The following SNTG1 variants were observed in gnomAD, a reference collection of about 807,000 sequenced individuals.
SNTG1 encodes the protein gamma-1-syntrophin.
A neutral mutation model predicts 74.7 loss-of-function variants in SNTG1; 39 were observed. That is an observed-to-expected ratio of 0.52 (90% CI 0.40 to 0.68). The LOEUF (loss-of-function observed/expected upper bound fraction) is 0.68. Among genes scored for constraint, SNTG1 ranks in the 30% least tolerant of loss-of-function variants. The pLI is 0.00. For missense variants in SNTG1, 685 were observed against 609.5 expected, an observed-to-expected ratio of 1.12 and a Z score of -1.30; for synonymous variants, 254 against 217.1, an observed-to-expected ratio of 1.17 and a Z score of -1.49.
intron 4 of SNTG1, among the ~76,000 whole-genome samples, chr8:50,437,250 G>A (rs1010523534): frequency 9.9e-5 from 15 of 151,972 alleles, no homozygotes; most frequent in African/African-American, 3.6e-4. Flanking sequence ...AAGTAAATAT[G>A]CACCATCTTC....
At chr8:50,293,814 T>C (rs79759606) in intron 2 of SNTG1, among the ~76,000 whole-genome samples, 7,426 of 152,162 alleles carry the variant, frequency 0.049, 405 homozygotes, top group South Asian at 0.17. Context: ...CTGTGTAGTA[T>C]ACAATTCAGC....
rs138669744 is a variant in SNTG1, at chr8:50,009,097, A to G, written c.-103+96866A>G. ...GATTCCCATGCTTATTTGTAAGGAT[A>G]ATATCTATAACTATTTCAGACTTTG... On this transcript the variant is annotated intron_variant, in intron 1 of 18. Transcript: ENST00000642720. 9.6e-3 allele frequency among the ~76,000 whole-genome samples: 1,463 copies of G among 152,256 alleles called. 6 individuals carry two copies. Among genetic ancestry groups the G allele is most frequent in the Admixed American group, 0.015 (228 of 15,282 alleles).
chr8:50,205,429 T>C (rs1201536988), intron 2 of SNTG1, among the ~76,000 whole-genome samples: 1 of 152,222 alleles, frequency 6.6e-6, no homozygotes, highest in Non-Finnish European at 1.5e-5. Context: ...TTTGATTTTT[T>C]TCTTGTAAAT....
In SNTG1 at chr8:50,122,597, A is replaced by G. The variant is rs1239100131; in HGVS notation, c.-102-49964A>G. On this transcript the variant is annotated intron_variant, in intron 1 of 18. Transcript: ENST00000642720. ...AAAGAGCATTTGGGCTGCAATGTCA[A>G]TAACTAATTAAAGGAGGTGAGGCGG... Among the ~76,000 whole-genome samples the G allele has an allele frequency of 3.5e-5, 5 of 142,120 alleles. 1 individual carries two copies. Among genetic ancestry groups the G allele is most frequent in the Non-Finnish European group, 6.3e-5 (4 of 63,846 alleles). 93.2% of individuals were successfully genotyped at this position (142,120 alleles called of 152,430 possible). A position where few individuals can be genotyped will look rare whatever the true frequency, so the allele number is the denominator to read the frequency against.
At chr8:50,386,542 G>A (rs1020303443) in intron 2 of SNTG1, among the ~76,000 whole-genome samples, 6 of 151,942 alleles carry the variant, frequency 3.9e-5, no homozygotes, top group African/African-American at 1.5e-4. Context: ...TGCTATAAAG[G>A]AATACCTCAA....
At chr8:50,652,483 T>C (rs1414444758) in intron 13 of SNTG1, among the ~76,000 whole-genome samples, 1 of 152,052 alleles carries the variant, frequency 6.6e-6, no homozygotes, top group Non-Finnish European at 1.5e-5. Context: ...TCCATCCGTT[T>C]TTCATTTTAT....
chr8:50,691,186 T>C (rs2095377204), intron 15 of SNTG1, among the ~76,000 whole-genome samples: 1 of 152,194 alleles, frequency 6.6e-6, no homozygotes, highest in South Asian at 2.1e-4. Flanking sequence ...CATTGGTGGG[T>C]CTTGACTCTT....
At chr8:50,398,085 G>C (rs2092751218) in intron 3 of SNTG1, among the ~76,000 whole-genome samples, 1 of 152,170 alleles carries the variant, frequency 6.6e-6, no homozygotes, top group East Asian at 1.9e-4. Context: ...TCTCTCAGAG[G>C]AGCTCTGAAT....
At chr8:50,670,522 A>G (rs2095275420) in intron 15 of SNTG1, among the ~76,000 whole-genome samples, 1 of 150,838 alleles carries the variant, frequency 6.6e-6, no homozygotes, top group Admixed American at 6.6e-5. Context: ...ACTACAAACC[A>G]CTTCTCAAGG....
intron 2 of SNTG1, among the ~76,000 whole-genome samples, chr8:50,370,038 T>G (rs760674878): frequency 6.6e-6 from 1 of 152,104 alleles, no homozygotes; most frequent in Non-Finnish European, 1.5e-5. Flanking sequence ...AATCAACCAT[T>G]TATAAGAAGC....
At chr8:50,042,574 TAAAG>T (rs1249539186) in intron 1 of SNTG1, among the ~76,000 whole-genome samples, 2 of 151,724 alleles carry the variant, frequency 1.3e-5, no homozygotes, top group Non-Finnish European at 2.9e-5. Context: ...AAGAAAAAGA[TAAAG>T]AAAAAAACCT....
At chr8:50,378,181 G>T (rs552968723) in intron 2 of SNTG1, among the ~76,000 whole-genome samples, 2 of 152,338 alleles carry the variant, frequency 1.3e-5, no homozygotes, top group African/African-American at 4.8e-5. Flanking sequence ...GCTGCAGTGG[G>T]GAGGGTGGCT....
intron 2 of SNTG1, among the ~76,000 whole-genome samples, chr8:50,243,329 G>T (rs768303465): frequency 3.9e-5 from 6 of 152,062 alleles, no homozygotes; most frequent in African/African-American, 9.7e-5. Flanking sequence ...GCAAGTGTAG[G>T]TTTTCTGAAT....
At chr8:49,933,443 A>G (rs1456825693) in intron 1 of SNTG1, among the ~76,000 whole-genome samples, 1 of 152,192 alleles carries the variant, frequency 6.6e-6, no homozygotes, top group Non-Finnish European at 1.5e-5. Context: ...TCTTCTGAGA[A>G]TTTAACAGTT....
intron 12 of SNTG1, among the ~76,000 whole-genome samples, chr8:50,554,873 T>C (rs529515408): frequency 1.3e-3 from 193 of 152,220 alleles, no homozygotes; most frequent in African/African-American, 4.5e-3. Context: ...ACAAATATAA[T>C]TGTGTTCTTT....
chr8:50,759,549 C>T (rs897044573), intron 18 of SNTG1, among the ~76,000 whole-genome samples: 1 of 151,988 alleles, frequency 6.6e-6, no homozygotes, highest in African/African-American at 2.4e-5. Context: ...TTCCCAGCAC[C>T]ATTTATTAAA....
At chr8:50,016,064 G>T (rs991185612) in intron 1 of SNTG1, among the ~76,000 whole-genome samples, 1 of 152,068 alleles carries the variant, frequency 6.6e-6, no homozygotes, top group South Asian at 2.1e-4. Flanking sequence ...ATACTACTCA[G>T]ATGTAATGGT....
intron 1 of SNTG1, among the ~76,000 whole-genome samples, chr8:50,152,514 C>T (rs1046409745): frequency 7.9e-5 from 12 of 152,142 alleles, no homozygotes; most frequent in African/African-American, 2.7e-4. Context: ...ATGGTCTTTA[C>T]AATTTGGAAT....
intron 1 of SNTG1, among the ~76,000 whole-genome samples, chr8:50,159,735 A>G (rs2082358562): frequency 6.6e-6 from 1 of 152,194 alleles, no homozygotes; most frequent in Admixed American, 6.5e-5. Context: ...AATTTTATTC[A>G]GTACCTGAGC....
Sources: gnomAD v4.1 joint callset for allele counts (sites outside exome capture counted in the v4.1 genomes callset) on GRCh38, gnomAD v4.1.1 for gene constraint, MANE v1.5 for transcripts, NCBI Gene and HGNC (gene_info 2026-07-23, HGNC 2026-07-21) for gene names.